SLC6A3: variants seen among roughly 807,000 people sequenced by gnomAD.
SLC6A3 encodes the protein solute carrier family 6 member 3.
SLC6A3 carries 19 observed loss-of-function variants against 70.4 expected under a neutral mutation model. The ratio of observed to expected loss-of-function variants is 0.27; its 90% CI spans 0.19 to 0.40. SLC6A3 has a LOEUF of 0.40. Among genes scored for constraint, SLC6A3 ranks in the 10% least tolerant of loss-of-function variants. The pLI, the probability that SLC6A3 is intolerant of heterozygous loss-of-function variation, is 1.00. For synonymous variants in SLC6A3, 368 were observed against 356.6 expected, an observed-to-expected ratio of 1.03 and a Z score of -0.36; for missense variants, 613 against 838.5, an observed-to-expected ratio of 0.73 and a Z score of 3.32.
In SLC6A3 at chr5:1,420,674, G is replaced by A. The variant is rs777377892; in HGVS notation, c.822C>T (p.Tyr274=). ...KVVWITATMP[Y]VVLTALLLRG... ...GCAGGAGCAGGGCAGTGAGGACCAC[G>A]TATGGCATGGTGGCTGTGATCCATA... The change falls in exon 6 of 15, where the codon TAC becomes TAT. Residue 274 remains tyrosine, a synonymous_variant. Coordinates refer to ENST00000270349, the MANE Select transcript of SLC6A3 (RefSeq NM_001044.5). 94 of 1,613,468 alleles carry A rather than the reference G, an allele frequency of 5.8e-5. No homozygotes were observed. Among genetic ancestry groups the A allele is most frequent in the Middle Eastern group, 1.6e-4 (1 of 6,068 alleles).
intron 4 of SLC6A3, among the ~76,000 whole-genome samples, chr5:1,431,163 G>A (rs903896190): frequency 2.0e-5 from 3 of 152,238 alleles, no homozygotes; most frequent in African/African-American, 7.2e-5. Flanking sequence ...GCGAGGGCAG[G>A]AAGATGTGGA....
rs575293327 is a variant in SLC6A3, at chr5:1,442,624, G to A, written c.286+288C>T. The stretch of plus-strand genomic sequence containing the variant: ...AAGCGAAGATAGCCTCTGGAAACAG[G>A]AGGCAGAGCCAAGCTGCCCCGTCTG... On this transcript the variant is annotated intron_variant, in intron 2 of 14. Transcript: ENST00000270349. This position sits in a 1 kb window ranked among gnomAD's most constrained non-coding sequence, Gnocchi z 5.0. 6.6e-6 allele frequency among the ~76,000 whole-genome samples: 1 copy of A among 152,186 alleles called. No homozygotes were observed. The highest frequency in any genetic ancestry group is 1.9e-4 in the East Asian group (1 of 5,148).
At chr5:1,403,348 T>C (rs1337103125) in intron 12 of SLC6A3, among the ~76,000 whole-genome samples, 57 of 27,692 alleles carry the variant, frequency 2.1e-3, no homozygotes, top group Admixed American at 4.8e-3. Flanking sequence ...CCATCACCTC[T>C]CCTCCCCTCC....
rs186229286 is a variant in SLC6A3 at position 1,432,673 on chromosome 5, G to T, written c.444C>A (p.Ile148=). 96 of 1,614,150 alleles carry T rather than the reference G, an allele frequency of 5.9e-5. 1 individual carries two copies. The Admixed American group carries it at 1.6e-3, about 27-fold the overall frequency. ...LKGVGFTVIL[I]SLYVGFFYNV... ...TGTAGAAGAAGCCGACATACAGTGA[G>T]ATGAGGATGACCGTGAAGCCCACAC... is the stretch of plus-strand genomic sequence containing the variant. Residue 148 remains isoleucine, a synonymous_variant, in exon 4 of 15, where the codon ATC becomes ATA. Transcript: ENST00000270349.
At chr5:1,395,238 C>T (rs1448583053) in intron 14 of SLC6A3, among the ~76,000 whole-genome samples, 1 of 152,176 alleles carries the variant, frequency 6.6e-6, no homozygotes, top group Non-Finnish European at 1.5e-5. Context: ...CTGCGACCCG[C>T]GCGGGCGCAA....
At chr5:1,422,364 A>ACCGCTGC (rs1756459325) in intron 4 of SLC6A3, among the ~76,000 whole-genome samples, 4 of 151,146 alleles carry the variant, frequency 2.6e-5, no homozygotes, top group Non-Finnish European at 4.4e-5. Context: ...CTGGGTGCCC[A>ACCGCTGC]CCACTGCCCA....
intron 3 of SLC6A3, among the ~76,000 whole-genome samples, chr5:1,433,339 A>T (rs942377230): frequency 6.6e-6 from 1 of 152,132 alleles, no homozygotes; most frequent in African/African-American, 2.4e-5. Context: ...AAGACTGCCA[A>T]TAGTCACTAA....
rs1755968741 is a variant in SLC6A3 at position 1,405,975 on chromosome 5, G to C, written c.1599+213C>G. Among the ~76,000 whole-genome samples the C allele has an allele frequency of 6.6e-6, 1 of 152,214 alleles. No individual in the cohort carries two copies. Among genetic ancestry groups the C allele is most frequent in the Admixed American group, 6.5e-5 (1 of 15,284 alleles). On this transcript the variant is annotated intron_variant, in intron 12 of 14. Transcript: ENST00000270349. This position sits in a 1 kb window ranked among gnomAD's most constrained non-coding sequence, Gnocchi z 5.3. ...GTGACAGGGGTCCAAGACCATGTGAGGTTTTTTCGGTGGGTCTAGAGGGGA... is the reference window on the plus strand; with the variant it reads ...GTGACAGGGGTCCAAGACCATGTGACGTTTTTTCGGTGGGTCTAGAGGGGA...
chr5:1,415,076 C>T (rs769948967), intron 7 of SLC6A3, among the ~76,000 whole-genome samples: 99 of 152,178 alleles, frequency 6.5e-4, no homozygotes, highest in Non-Finnish European at 7.4e-4. Context: ...CTGTGCCCCG[C>T]GAGTCTTGCT....
intron 4 of SLC6A3, among the ~76,000 whole-genome samples, chr5:1,429,312 T>C (rs1756643076): frequency 6.6e-6 from 1 of 152,170 alleles, no homozygotes; most frequent in Non-Finnish European, 1.5e-5. Context: ...CCTTGGGTCA[T>C]TAATCATTTG....
chr5:1,443,330 G>A, intron 1 of SLC6A3, 88 bp from the exon 2 acceptor site: 1 of 1,042,774 alleles, frequency 9.6e-7, no homozygotes, highest in South Asian at 1.3e-5. Context: ...GGAGGGCAGA[G>A]CCCCGAGGCA....
intron 4 of SLC6A3, 96 bp downstream of exon 4, chr5:1,432,368 T>C: frequency 2.3e-6 from 2 of 870,522 alleles, no homozygotes; most frequent in Non-Finnish European, 3.8e-6. Context: ...CCCCGCACCC[T>C]GGGAGTCAGC....
At chr5:1,443,982 G>A (rs1442848219) in intron 1 of SLC6A3, among the ~76,000 whole-genome samples, 2 of 152,320 alleles carry the variant, frequency 1.3e-5, no homozygotes, top group East Asian at 3.9e-4. Flanking sequence ...ACAGGCATGA[G>A]CCACCAAGCC....
At chr5:1,441,242 T>G in intron 3 of SLC6A3, 117 bp downstream of exon 3, 1 of 1,274,364 alleles carries the variant, frequency 7.8e-7, no homozygotes, top group Non-Finnish European at 1.1e-6. Flanking sequence ...GTGCCATGCC[T>G]GTGTCTTAGC....
At position 1,411,320 on chromosome 5, in the gene SLC6A3, T is replaced by A; in HGVS notation, c.1192A>T (p.Ile398Phe). The change falls in exon 9 of 15, where the codon ATC becomes TTC. Residue 398 changes from isoleucine to phenylalanine, a missense_variant. By Grantham distance (21) the Ile-to-Phe change is conservative. This residue lies in a region of SLC6A3 where 348 missense variants were observed against 481.2 expected (regional missense o/e 0.72). Transcript: ENST00000270349. The surrounding 1 kb of genome is among the most constrained non-coding windows in gnomAD (Gnocchi z 6.5). ...GLIFIIYPEA[I>F]ATLPLSSAWA... ...GCTGAGGACAGAGGGAGCGTGGCGA[T>A]GGCTTCCGGGTAGATGATGAAGATC... The A allele has an allele frequency of 6.4e-7, 1 of 1,553,238 alleles. No individual in the cohort carries two copies. The highest frequency in any genetic ancestry group is 1.2e-5 in the South Asian group (1 of 84,164).
chr5:1,435,347 T>G (rs954292789), intron 3 of SLC6A3, among the ~76,000 whole-genome samples: 1 of 152,240 alleles, frequency 6.6e-6, no homozygotes, highest in Non-Finnish European at 1.5e-5. Flanking sequence ...TGAAAATTTT[T>G]CAAGGTTAAA....
rs765590207 is a variant in SLC6A3 at position 1,396,312 on chromosome 5, C to T, written c.1840-1554G>A. ...TAGGGATCGAATTTACCCTACTGTC[C>T]GAAACAAGCCCCAAATAAACAAAAC... On this transcript the variant is annotated intron_variant, in intron 14 of 14. Transcript: ENST00000270349. The surrounding 1 kb of genome is among the most constrained non-coding windows in gnomAD (Gnocchi z 7.0). Among the ~76,000 whole-genome samples, 3 of 152,172 alleles carry T rather than the reference C, an allele frequency of 2.0e-5. No homozygotes were observed. The highest frequency in any genetic ancestry group is 4.4e-5 in the Non-Finnish European group (3 of 68,026).
intron 9 of SLC6A3, 137 bp from the exon 10 acceptor site, chr5:1,409,986 C>T: frequency 9.0e-7 from 1 of 1,105,450 alleles, no homozygotes; most frequent in Non-Finnish European, 1.3e-6. Context: ...GTCCAGGGTG[C>T]AGGATGCCTG....
intron 14 of SLC6A3, among the ~76,000 whole-genome samples, chr5:1,399,583 A>G (rs1053277217): frequency 6.6e-6 from 1 of 152,214 alleles, no homozygotes; most frequent in Non-Finnish European, 1.5e-5. Context: ...ACCCCCAGGT[A>G]TAGGACTCTC....
Sources: allele counts gnomAD v4.1 joint callset (sites outside exome capture counted in the v4.1 genomes callset), GRCh38; gene constraint gnomAD v4.1.1; regional missense constraint gnomAD v4.1.1; non-coding constraint Gnocchi (gnomAD v3.1); transcripts MANE v1.5; gene names NCBI Gene and HGNC (gene_info 2026-07-23, HGNC 2026-07-21).